IFITM10: variants seen among roughly 807,000 people sequenced by gnomAD.
IFITM10 encodes interferon induced transmembrane protein 10.
Under a neutral mutation model 19.0 loss-of-function variants are expected in IFITM10, and 17 were observed. The observed-to-expected ratio is 0.90, with a 90% CI of 0.61 to 1.34. IFITM10 has a LOEUF of 1.34. Among genes scored for constraint, IFITM10 ranks in the 40% most tolerant of loss-of-function variants. The pLI, the probability that IFITM10 is intolerant of heterozygous loss-of-function variation, is 0.00. For synonymous variants in IFITM10, 148 were observed against 147.2 expected (o/e 1.01, Z -0.04); for missense variants, 306 against 319.8 (o/e 0.96, Z 0.33).
chr11:1,743,049 AGGAT>A (rs1853608225), intron 2 of IFITM10, among the ~76,000 whole-genome samples: 1 of 145,176 alleles, frequency 6.9e-6, no homozygotes, highest in African/African-American at 2.6e-5. Flanking sequence ...GGATGGATGA[AGGAT>A]GGATGGAGGG....
intron 2 of IFITM10, among the ~76,000 whole-genome samples, chr11:1,739,797 T>C (rs1305566478): frequency 1.3e-5 from 2 of 151,994 alleles, no homozygotes; most frequent in African/African-American, 4.8e-5. Flanking sequence ...CCTGGGAGCA[T>C]AGAGCTGTCT....
At chr11:1,748,999 G>T in intron 1 of IFITM10, 1 of 1,036,560 alleles carries the variant, frequency 9.6e-7, no homozygotes, top group Non-Finnish European at 1.2e-6. Context: ...CAGCCCCCCG[G>T]ACGGCGCCTC....
At chr11:1,738,928 C>A (rs1046226903) in intron 2 of IFITM10, among the ~76,000 whole-genome samples, 1 of 151,810 alleles carries the variant, frequency 6.6e-6, no homozygotes. Context: ...GGGGCAGGCA[C>A]CTGTAATTCC....
intron 2 of IFITM10, among the ~76,000 whole-genome samples, chr11:1,736,185 G>C (rs984364301): frequency 6.6e-6 from 1 of 152,198 alleles, no homozygotes; most frequent in Non-Finnish European, 1.5e-5. Context: ...TGGAAAGAGA[G>C]GAAGACAGGA....
At chr11:1,739,532 A>G (rs1851123494) in intron 2 of IFITM10, among the ~76,000 whole-genome samples, 1 of 152,230 alleles carries the variant, frequency 6.6e-6, no homozygotes, top group Non-Finnish European at 1.5e-5. Context: ...TACAGAAAAT[A>G]AACACGATAA....
intron 2 of IFITM10, among the ~76,000 whole-genome samples, chr11:1,736,338 G>A (rs1372394540): frequency 6.6e-6 from 1 of 152,184 alleles, no homozygotes; most frequent in Non-Finnish European, 1.5e-5. Context: ...TCGGAAGACT[G>A]GATGGACAGA....
At chr11:1,746,638 C>A (rs927022218) in intron 2 of IFITM10, 1 of 398,630 alleles carries the variant, frequency 2.5e-6, no homozygotes, top group Non-Finnish European at 4.4e-6. Flanking sequence ...CGGGGTGGGG[C>A]TCGAGCTCAA....
intron 1 of IFITM10, 51 bp downstream of exon 1, chr11:1,750,308 A>C (rs1845702426): frequency 6.5e-7 from 1 of 1,549,852 alleles, no homozygotes; most frequent in South Asian, 1.2e-5. Flanking sequence ...CCTCCCTCCA[A>C]GTCCCCCACT....
At chr11:1,743,072 T>TGGATGGATGGA (rs1190880543) in intron 2 of IFITM10, among the ~76,000 whole-genome samples, 5 of 145,020 alleles carry the variant, frequency 3.4e-5, no homozygotes, top group Admixed American at 1.4e-4. Context: ...GGCGGATGGA[T>TGGATGGATGGA]GGATGGATGG....
intron 2 of IFITM10, among the ~76,000 whole-genome samples, chr11:1,742,835 G>A (rs1845584373): frequency 6.6e-6 from 1 of 152,118 alleles, no homozygotes; most frequent in African/African-American, 2.4e-5. Context: ...AATGTGGGAG[G>A]ATGGATTGAA....
intron 1 of IFITM10, among the ~76,000 whole-genome samples, chr11:1,750,047 T>G (rs1565016480): frequency 6.6e-6 from 1 of 152,138 alleles, no homozygotes; most frequent in African/African-American, 2.4e-5. Flanking sequence ...CTTGTCTCCC[T>G]GGAGGCTGGT....
At chr11:1,738,112 G>A (rs1851105939) in intron 2 of IFITM10, among the ~76,000 whole-genome samples, 3 of 152,150 alleles carry the variant, frequency 2.0e-5, no homozygotes, top group African/African-American at 7.2e-5. Context: ...GAGACTGGGT[G>A]TATGGGACAG....
Position 1,750,450 on chromosome 11 carries a change from C to T in IFITM10, c.-8G>A. ...CCGTTTTCCCTCCCTCATCTCTCTCCAAGCCCCATCCTCCCATGAAACTCC... is the reference window on the plus strand; with the variant it reads ...CCGTTTTCCCTCCCTCATCTCTCTCTAAGCCCCATCCTCCCATGAAACTCC... On this transcript the variant is annotated 5_prime_UTR_variant, in exon 1 of 3. Coordinates refer to ENST00000340134, the MANE Select transcript of IFITM10 (RefSeq NM_001170820.4). 6.5e-7 allele frequency: 1 copy of T among 1,550,048 alleles called. No individual in the cohort carries two copies. The highest frequency in any genetic ancestry group is 8.7e-7 in the Non-Finnish European group (1 of 1,146,792).
rs1851118973 is a variant in IFITM10 at position 1,739,164 on chromosome 11, C to T, written c.538-3735G>A. Reference sequence around the variant, plus strand: ...GGATGCCAGACTGGAAGGGCAGGTGCACAGATGGGTTTCTGAATGCACGCT... The same window carrying T: ...GGATGCCAGACTGGAAGGGCAGGTGTACAGATGGGTTTCTGAATGCACGCT... On this transcript the variant is annotated intron_variant, in intron 2 of 2. Coordinates refer to ENST00000340134, the MANE Select transcript of IFITM10 (RefSeq NM_001170820.4). 2.0e-5 allele frequency among the ~76,000 whole-genome samples: 3 copies of T among 151,124 alleles called. No homozygotes were observed. The South Asian group carries it at 6.3e-4, about 32-fold the overall frequency.
intron 2 of IFITM10, 142 bp downstream of exon 2, chr11:1,747,525 G>T: frequency 2.8e-6 from 2 of 726,464 alleles, no homozygotes; most frequent in Non-Finnish European, 2.3e-6. Flanking sequence ...ACTGTCCTTT[G>T]ATCCCTTGGC....
At chr11:1,743,747 C>T (rs183769305) in intron 2 of IFITM10, among the ~76,000 whole-genome samples, 3 of 152,262 alleles carry the variant, frequency 2.0e-5, no homozygotes, top group Non-Finnish European at 2.9e-5. Context: ...CCACCCCCAT[C>T]CCCAGCTCGC....
In IFITM10 at chr11:1,734,231, C is replaced by T. The variant is rs1392999430; in HGVS notation, c.*1049G>A. The T allele has an allele frequency of 6.6e-6, 1 of 152,322 alleles. No individual in the cohort carries two copies. The highest frequency in any genetic ancestry group is 1.9e-4 in the East Asian group (1 of 5,182). The allele number at this position is 152,322 out of a possible 1,614,324, so 9.4% of individuals were successfully genotyped here. On this transcript the variant is annotated 3_prime_UTR_variant, in exon 3 of 3. Transcript: ENST00000340134. ...CACCCCCATGACTGTGCCTGAGTTCCAAGGGGACAGAGCCCATCCCTGCAT... is the reference window on the plus strand; with the variant it reads ...CACCCCCATGACTGTGCCTGAGTTCTAAGGGGACAGAGCCCATCCCTGCAT...
Position 1,735,441 on chromosome 11 carries a change from A to G in IFITM10, c.538-12T>C. On this transcript the variant is annotated splice_polypyrimidine_tract_variant and intron_variant, in intron 2 of 2. Coordinates refer to ENST00000340134, the MANE Select transcript of IFITM10 (RefSeq NM_001170820.4). The stretch of plus-strand genomic sequence containing the variant: ...TTCTTGTCTCGCACCTGAAGCCGGG[A>G]GGAGGACAGGAAATGGGCAGTCAGC... 13 of 1,550,354 alleles carry G rather than the reference A, an allele frequency of 8.4e-6. No individual in the cohort carries two copies. Among genetic ancestry groups the G allele is most frequent in the African/African-American group, 1.4e-5 (1 of 73,138 alleles).
intron 2 of IFITM10, chr11:1,746,778 G>T: frequency 2.5e-6 from 1 of 398,742 alleles, no homozygotes; most frequent in Non-Finnish European, 4.4e-6. Flanking sequence ...AGTACATCTG[G>T]CCTTGGCCAC....
Sources: allele counts gnomAD v4.1 joint callset (sites outside exome capture counted in the v4.1 genomes callset), GRCh38; gene constraint gnomAD v4.1.1; transcripts MANE v1.5; gene names NCBI Gene and HGNC (gene_info 2026-07-23, HGNC 2026-07-21).